The following ZSCAN5A variants were observed in gnomAD, a reference collection of about 807,000 sequenced individuals.
ZSCAN5A encodes zinc finger and SCAN domain containing 5A.
In ZSCAN5A, 12 loss-of-function variants were observed where a neutral mutation model predicts 23.7. The observed-to-expected ratio is 0.51, with a 90% confidence interval of 0.32 to 0.82. The LOEUF (loss-of-function observed/expected upper bound fraction) is 0.82. Ranked by LOEUF, ZSCAN5A falls within the 40% of genes least tolerant of loss-of-function variation. The probability of loss-of-function intolerance (pLI) is 0.03; values close to 1 mark genes in which losing one functional copy is unlikely to be tolerated. For synonymous variants in ZSCAN5A, 257 were observed against 239.9 expected (o/e 1.07, Z -0.66); for missense variants, 597 against 617.9 (o/e 0.97, Z 0.36).
intron 2 of ZSCAN5A, among the ~76,000 whole-genome samples, chr19:56,333,762 G>C (rs1336023732): frequency 2.0e-5 from 3 of 151,986 alleles, no homozygotes; most frequent in Non-Finnish European, 4.4e-5. Context: ...GACATGAGAA[G>C]AGTCCATAGG....
At chr19:56,291,949 T>C (rs1250132050) in intron 2 of ZSCAN5A, among the ~76,000 whole-genome samples, 1 of 152,200 alleles carries the variant, frequency 6.6e-6, no homozygotes, top group Non-Finnish European at 1.5e-5. Context: ...CAATGTGTTA[T>C]GTGTAGTTAT....
chr19:56,266,479 G>C (rs1435014071), intron 2 of ZSCAN5A: 3 of 148,976 alleles, frequency 2.0e-5, no homozygotes, highest in Non-Finnish European at 4.4e-5. Flanking sequence ...CTTTCTGCTT[G>C]GGAGATGCCC....
At chr19:56,278,646 G>C (rs1328592329) in intron 2 of ZSCAN5A, among the ~76,000 whole-genome samples, 1 of 152,216 alleles carries the variant, frequency 6.6e-6, no homozygotes, top group Non-Finnish European at 1.5e-5. Flanking sequence ...CAGTTGTGGG[G>C]TCTGCAAGCT....
At position 56,344,930 on chromosome 19, in the gene ZSCAN5A, AAAAAAG is replaced by A. The variant is rs1437813861; in HGVS notation, c.-358+18299_-358+18304del. On this transcript the variant is annotated intron_variant, in intron 2 of 6. Transcript: ENST00000587340. Reference sequence around the variant, plus strand: ...GTCTCAAAAAAAAAAAAAAAAAAAAAAAAAAGAAAAAAAAGATACAAAAAATTAGCC... The same window carrying A: ...GTCTCAAAAAAAAAAAAAAAAAAAAAAAAAAAAAGATACAAAAAATTAGCC... Among the ~76,000 whole-genome samples the A allele has an allele frequency of 8.7e-4, 126 of 144,900 alleles. 5 individuals are homozygous for A. In the South Asian group the frequency reaches 0.017, roughly 20 times the overall value.
chr19:56,229,934 G>A (rs1568616857), intron 2 of ZSCAN5A, among the ~76,000 whole-genome samples: 2 of 151,894 alleles, frequency 1.3e-5, no homozygotes, highest in African/African-American at 2.4e-5. Flanking sequence ...TGTTGACTTC[G>A]TATCCTGTAG....
At chr19:56,304,953 AC>A in intron 2 of ZSCAN5A, 1 of 233,386 alleles carries the variant, frequency 4.3e-6, no homozygotes, top group Non-Finnish European at 7.0e-6. Context: ...AATCATAGAA[AC>A]CCAGAATTCC....
chr19:56,322,373 C>T lies in ZSCAN5A; in HGVS notation c.-357-6105G>A, dbSNP rs1198475648. 6 of 734,122 alleles carry T rather than the reference C, an allele frequency of 8.2e-6. No individual in the cohort carries two copies. The African/African-American group carries it at 1.0e-4, about 13-fold the overall frequency. 45.5% of individuals were successfully genotyped at this position (734,122 alleles called of 1,614,324 possible). A position where few individuals can be genotyped will look rare whatever the true frequency, so the allele number is the denominator to read the frequency against. ...ATCTGGCTTCCCCTATTCCACACCT[C>T]TCAGCCGGCAGGCTTCCCTAGGCCT... On this transcript the variant is annotated intron_variant, in intron 2 of 6. Transcript: ENST00000587340.
Position 56,321,064 on chromosome 19 carries a change from G to A in ZSCAN5A, c.-357-4796C>T, listed in dbSNP as rs189034559. ...ACTGACATGGACAACATGATTTCAG[G>A]AGATAGACTGAGTATCTGCAGATTT... On this transcript the variant is annotated intron_variant, in intron 2 of 6. Coordinates refer to the ZSCAN5A transcript ENST00000587340. 7.5e-5 allele frequency: 53 copies of A among 703,812 alleles called. 2 individuals are homozygous for A. The Admixed American group carries it at 8.4e-4, about 11-fold the overall frequency. 43.6% of individuals were successfully genotyped at this position (703,812 alleles called of 1,614,324 possible). A position where few individuals can be genotyped will look rare whatever the true frequency, so the allele number is the denominator to read the frequency against.
At chr19:56,322,432 C>T (rs35204149) in intron 2 of ZSCAN5A, 30,822 of 591,842 alleles carry the variant, frequency 0.052, 2,009 homozygotes, top group East Asian at 0.27. Context: ...GACCCCGCAA[C>T]CCCACCATCA....
rs1013307611 is a variant in ZSCAN5A at position 56,244,089 on chromosome 19, A to G, written c.-127-18916T>C. 48 of 1,363,674 alleles carry G rather than the reference A, an allele frequency of 3.5e-5. No homozygotes were observed. In the Middle Eastern group the frequency reaches 5.4e-4, roughly 15 times the overall value. The allele number at this position is 1,363,674 out of a possible 1,614,324, so 84.5% of individuals were successfully genotyped here. On this transcript the variant is annotated intron_variant, in intron 2 of 5. Transcript: ENST00000683990. ...TCATGGGGTCAGGGAGGACCCTGCA[A>G]CAGCCCTGAGTCAGAGCCGCCACAG...
At chr19:56,347,671 A>T (rs141125979) in intron 2 of ZSCAN5A, 95 of 152,388 alleles carry the variant, frequency 6.2e-4, no homozygotes, top group African/African-American at 2.3e-3. Context: ...ATACCTCCTT[A>T]TCCCGTAATT....
At chr19:56,294,927 A>G (rs2039760285) in intron 2 of ZSCAN5A, 2 of 152,280 alleles carry the variant, frequency 1.3e-5, no homozygotes, top group Non-Finnish European at 2.9e-5. Flanking sequence ...CACAGCAGGC[A>G]AGTCCACAGA....
intron 2 of ZSCAN5A, chr19:56,243,893 T>C (rs529640942): frequency 4.0e-6 from 2 of 496,136 alleles, no homozygotes; most frequent in Admixed American, 3.4e-5. Flanking sequence ...CTAGAAACTT[T>C]GATCGGGCTC....
intron 2 of ZSCAN5A, chr19:56,244,066 A>G (rs552605218): frequency 1.3e-5 from 15 of 1,125,712 alleles, no homozygotes; most frequent in East Asian, 2.4e-5. Flanking sequence ...GCAACTCCTC[A>G]TGGGGTCAGG....
At chr19:56,228,524 G>T (rs1297138620) in intron 2 of ZSCAN5A, 2 of 884,560 alleles carry the variant, frequency 2.3e-6, no homozygotes, top group Non-Finnish European at 2.7e-6. Context: ...TCATACTGCT[G>T]AAGTATTTGG....
upstream of ZSCAN5A, chr19:56,318,080 C>G (rs570028026): frequency 6.6e-6 from 1 of 152,314 alleles, no homozygotes; most frequent in East Asian, 1.9e-4. Flanking sequence ...GCCCAGAGCT[C>G]TCACCACCAC....
chr19:56,329,263 C>A (rs1447546364), intron 2 of ZSCAN5A, among the ~76,000 whole-genome samples: 1 of 151,732 alleles, frequency 6.6e-6, no homozygotes, highest in Non-Finnish European at 1.5e-5. Flanking sequence ...GCACGAGAAT[C>A]AGTTGAATCT....
At chr19:56,302,875 G>A in intron 2 of ZSCAN5A, 1 of 398,750 alleles carries the variant, frequency 2.5e-6, no homozygotes. Flanking sequence ...GTTGCTGGTT[G>A]CTGGGGACTC....
At chr19:56,258,942 C>T (rs2036925562) in intron 2 of ZSCAN5A, among the ~76,000 whole-genome samples, 1 of 152,096 alleles carries the variant, frequency 6.6e-6, no homozygotes, top group Non-Finnish European at 1.5e-5. Flanking sequence ...CCCACCTAGC[C>T]CACGACACAC....
Sources: allele counts gnomAD v4.1 joint callset (sites outside exome capture counted in the v4.1 genomes callset), GRCh38; gene constraint gnomAD v4.1.1; transcripts MANE v1.5; gene names NCBI Gene and HGNC (gene_info 2026-07-23, HGNC 2026-07-21).